Variants in PLPP1 observed in about 807,000 individuals in gnomAD.
The protein encoded by PLPP1 is phospholipid phosphatase 1, also known as lipid phosphate phosphohydrolase 1a.
PLPP1 carries 24 observed loss-of-function variants against 31.2 expected under a neutral mutation model. That is an observed-to-expected ratio of 0.77 (90% CI 0.56 to 1.08). The LOEUF (loss-of-function observed/expected upper bound fraction) is 1.08. Among genes scored for constraint, PLPP1 ranks in the 50% least tolerant of loss-of-function variants. The pLI is 0.00. For synonymous variants in PLPP1, 146 were observed against 126.3 expected, an observed-to-expected ratio of 1.16 and a Z score of -1.05; for missense variants, 319 against 342.7, an observed-to-expected ratio of 0.93 and a Z score of 0.55.
chr5:55,534,657 G>C lies in PLPP1; in HGVS notation c.-28C>G. The C allele has an allele frequency of 6.5e-7, 1 of 1,531,418 alleles. No homozygotes were observed. The highest frequency in any genetic ancestry group is 1.4e-5 in the African/African-American group (1 of 70,294). The allele number at this position is 1,531,418 out of a possible 1,614,324, so 94.9% of individuals were successfully genotyped here. ...TCTCTGCCCGGGCTGCCCGGCAAGG[G>C]CGATGGACTGAGCTGCGGGACGGCG... On this transcript the variant is annotated 5_prime_UTR_variant, in exon 1 of 6. Coordinates refer to ENST00000307259, the MANE Select transcript of PLPP1 (RefSeq NM_003711.4).
chr5:55,448,985 G>A (rs1381218663), intron 3 of PLPP1, among the ~76,000 whole-genome samples: 2 of 152,058 alleles, frequency 1.3e-5, no homozygotes, highest in Non-Finnish European at 2.9e-5. Context: ...TATTGATTAG[G>A]GAATAATGGC....
At chr5:55,477,068 C>T (rs1469931694) in intron 1 of PLPP1, among the ~76,000 whole-genome samples, 6 of 150,958 alleles carry the variant, frequency 4.0e-5, no homozygotes, top group Non-Finnish European at 7.4e-5. Flanking sequence ...CTAGAGCTGA[C>T]TTTGCTAACT....
chr5:55,517,516 T>C (rs1448667818), intron 1 of PLPP1, among the ~76,000 whole-genome samples: 4 of 152,254 alleles, frequency 2.6e-5, no homozygotes, highest in African/African-American at 4.8e-5. Context: ...TCCTTAATCA[T>C]GAAACATGTG....
intron 4 of PLPP1, among the ~76,000 whole-genome samples, chr5:55,438,721 A>G (rs2111697909): frequency 6.6e-6 from 1 of 152,160 alleles, no homozygotes; most frequent in East Asian, 1.9e-4. Context: ...CTAACACGGT[A>G]AAACCCTGTC....
At chr5:55,470,058 G>T (rs1752385599) in intron 2 of PLPP1, among the ~76,000 whole-genome samples, 2 of 152,184 alleles carry the variant, frequency 1.3e-5, no homozygotes, top group African/African-American at 4.8e-5. Context: ...ATTCTTTTCT[G>T]AGAACAGGTC....
chr5:55,452,496 AC>A (rs1751914200), intron 3 of PLPP1, among the ~76,000 whole-genome samples: 2 of 152,146 alleles, frequency 1.3e-5, no homozygotes, highest in African/African-American at 4.8e-5. Context: ...TTTATTAATT[AC>A]CCAGTCTCAG....
chr5:55,512,286 C>T (rs890752849), intron 1 of PLPP1, among the ~76,000 whole-genome samples: 1 of 150,230 alleles, frequency 6.7e-6, no homozygotes, highest in Admixed American at 6.6e-5. Flanking sequence ...GCCTGACCAA[C>T]ATGGTGAAAT....
intron 2 of PLPP1, chr5:55,468,419 T>C (rs940924872): frequency 2.7e-5 from 8 of 295,374 alleles, no homozygotes; most frequent in Non-Finnish European, 5.0e-5. Flanking sequence ...AACAAGATCT[T>C]ATTTTTTTTT....
intron 3 of PLPP1, among the ~76,000 whole-genome samples, chr5:55,446,752 T>C (rs1197714349): frequency 6.6e-6 from 1 of 152,238 alleles, no homozygotes; most frequent in Non-Finnish European, 1.5e-5. Context: ...GAATTCTTGC[T>C]CCAGACCAGT....
At chr5:55,491,047 T>C (rs1265084035) in intron 1 of PLPP1, 2 of 1,613,754 alleles carry the variant, frequency 1.2e-6, no homozygotes, top group Non-Finnish European at 1.7e-6. Flanking sequence ...TGCTGTTGTC[T>C]TTACAGAAAA....
At chr5:55,474,440 T>C (rs1373229646) in intron 2 of PLPP1, among the ~76,000 whole-genome samples, 1 of 152,204 alleles carries the variant, frequency 6.6e-6, no homozygotes, top group East Asian at 1.9e-4. Context: ...GTAGAGATTA[T>C]AAAAATCATG....
At chr5:55,470,704 C>A (rs988711942) in intron 2 of PLPP1, among the ~76,000 whole-genome samples, 1 of 152,184 alleles carries the variant, frequency 6.6e-6, no homozygotes, top group Non-Finnish European at 1.5e-5. Context: ...TAACCATATT[C>A]TTTTGTTTCA....
intron 4 of PLPP1, among the ~76,000 whole-genome samples, chr5:55,427,685 T>C (rs1213059162): frequency 1.3e-5 from 2 of 151,908 alleles, no homozygotes; most frequent in Admixed American, 1.3e-4. Flanking sequence ...TTGAATATTA[T>C]TTTCTCCAGA....
At chr5:55,493,653 C>T (rs775112545) in intron 1 of PLPP1, among the ~76,000 whole-genome samples, 6 of 151,856 alleles carry the variant, frequency 4.0e-5, no homozygotes, top group African/African-American at 7.3e-5. Context: ...TTTGGGAAGC[C>T]GAGGCGGGTG....
At chr5:55,459,133 G>A (rs954993206) in intron 3 of PLPP1, among the ~76,000 whole-genome samples, 1 of 150,766 alleles carries the variant, frequency 6.6e-6, no homozygotes, top group African/African-American at 2.4e-5. Context: ...AAGAGAATTA[G>A]AGTGACTATA....
chr5:55,483,123 T>A (rs550230131), intron 1 of PLPP1, among the ~76,000 whole-genome samples: 1 of 152,174 alleles, frequency 6.6e-6, no homozygotes, highest in African/African-American at 2.4e-5. Flanking sequence ...AGTGATTTTT[T>A]AAAATTAACT....
intron 1 of PLPP1, among the ~76,000 whole-genome samples, chr5:55,515,269 T>C (rs1015142373): frequency 6.6e-6 from 1 of 152,226 alleles, no homozygotes; most frequent in South Asian, 2.1e-4. Flanking sequence ...TCTGGCAAGA[T>C]TCTTCTTCCT....
chr5:55,498,959 G>A (rs1302934629), intron 1 of PLPP1, among the ~76,000 whole-genome samples: 1 of 54,842 alleles, frequency 1.8e-5, no homozygotes, highest in African/African-American at 4.1e-5. Context: ...TACTGTAGAA[G>A]CACTGAGCTC....
chr5:55,448,694 C>G (rs1346994524), intron 3 of PLPP1, among the ~76,000 whole-genome samples: 2 of 152,058 alleles, frequency 1.3e-5, no homozygotes, highest in Non-Finnish European at 2.9e-5. Flanking sequence ...GTGATCCACC[C>G]ACCTCAGCCT....
Sources: gnomAD v4.1 joint callset for allele counts (sites outside exome capture counted in the v4.1 genomes callset) on GRCh38, gnomAD v4.1.1 for gene constraint, MANE v1.5 for transcripts, NCBI Gene and HGNC (gene_info 2026-07-23, HGNC 2026-07-21) for gene names.